SCUBE2: variants seen among roughly 807,000 people sequenced by gnomAD.
SCUBE2 encodes the protein signal peptide, CUB and EGF-like domain-containing protein 2.
In SCUBE2, 114 loss-of-function variants were observed where a neutral mutation model predicts 125.9. That is an observed-to-expected ratio of 0.91 (90% confidence interval 0.78 to 1.06). The LOEUF (loss-of-function observed/expected upper bound fraction) is 1.06. Ranked by LOEUF, SCUBE2 falls within the 50% of genes least tolerant of loss-of-function variation. The pLI, the probability that SCUBE2 is intolerant of heterozygous loss-of-function variation, is 0.00. For missense variants in SCUBE2, 1,255 were observed against 1,301.8 expected, an observed-to-expected ratio of 0.96 and a Z score of 0.55; for synonymous variants, 459 against 492.9, an observed-to-expected ratio of 0.93 and a Z score of 0.91.
At chr11:9,079,552 T>C (rs755606490) in intron 2 of SCUBE2, 43 bp from the exon 3 acceptor site, 9 of 1,601,722 alleles carry the variant, frequency 5.6e-6, no homozygotes, top group African/African-American at 5.4e-5. Context: ...TGCTATTTCT[T>C]TGATGTGAAA....
intron 19 of SCUBE2, among the ~76,000 whole-genome samples, chr11:9,029,052 C>T (rs990117532): frequency 6.7e-6 from 1 of 149,084 alleles, no homozygotes; most frequent in Non-Finnish European, 1.5e-5. Context: ...CCAAGCTCCT[C>T]CAGTTTAGGG....
intron 9 of SCUBE2, among the ~76,000 whole-genome samples, chr11:9,058,237 C>T (rs1590088652): frequency 6.6e-6 from 1 of 152,048 alleles, no homozygotes; most frequent in Non-Finnish European, 1.5e-5. Context: ...CCTAGGAGGG[C>T]GGATCACCTG....
rs747056895 is a variant in SCUBE2, at chr11:9,050,701, G to A, written c.1544C>T (p.Thr515Ile). Residue 515 changes from threonine to isoleucine, a missense_variant, in exon 14 of 23, where the codon ACC becomes ATC. Physicochemically the swap from Thr to Ile is moderately conservative, Grantham distance 89. Around this residue, in one of 3 missense-constraint regions of SCUBE2, gnomAD observed 378 missense variants for 463.1 expected, o/e 0.82. Transcript: ENST00000649792. ...CTTAAAGGTTACACTTGTCCTGATG[G>A]TGGTGACATCTTCAGAAAGAAACAA... ...SNDSAFGDVT[T>I]IRTSVTFKLN... The A allele has an allele frequency of 1.1e-5, 17 of 1,612,902 alleles. No homozygotes were observed.
Position 9,025,729 on chromosome 11 carries a change from A to G in SCUBE2, c.2827T>C (p.Phe943Leu). Residue 943 changes from phenylalanine to leucine, a missense_variant, in exon 21 of 23, where the codon TTC becomes CTC. Around this residue, in one of 3 missense-constraint regions of SCUBE2, gnomAD observed 515 missense variants for 515.7 expected, o/e 1.00. Coordinates refer to ENST00000649792, the MANE Select transcript of SCUBE2 (RefSeq NM_001367977.2). The part of the protein sequence containing the change: ...KSNEGNSARG[F>L]QVPYVTYDED... ...TCATATGTCACGTATGGGACCTGGA[A>G]CCCTCTAGCGCTGTTCCCTTCATTG... is the stretch of plus-strand genomic sequence containing the variant. 1 of 1,614,044 alleles carries G rather than the reference A, an allele frequency of 6.2e-7. No individual in the cohort carries two copies. Among genetic ancestry groups the G allele is most frequent in the Non-Finnish European group, 8.5e-7 (1 of 1,179,996 alleles).
chr11:9,090,492 T>TATTTATTTATTTATTTATTTA (rs55777434), intron 1 of SCUBE2: 15 of 145,534 alleles, frequency 1.0e-4, no homozygotes, highest in Admixed American at 8.2e-4. Context: ...TTTATTTATT[T>TATTTATTTATTTATTTATTTA]TTTTTTTTTG....
At chr11:9,027,343 G>A (rs1416396389) in intron 20 of SCUBE2, 21 bp downstream of exon 20, 2 of 1,609,452 alleles carry the variant, frequency 1.2e-6, no homozygotes, top group African/African-American at 2.7e-5. Flanking sequence ...CTGAGAAAGG[G>A]AGGGAGGGAG....
At chr11:9,071,814 T>C (rs899714064) in intron 4 of SCUBE2, among the ~76,000 whole-genome samples, 1 of 152,174 alleles carries the variant, frequency 6.6e-6, no homozygotes, top group African/African-American at 2.4e-5. Flanking sequence ...ACCTTCCCTG[T>C]TGCCCTGAAA....
chr11:9,032,453 G>T (rs1856390325), intron 17 of SCUBE2, among the ~76,000 whole-genome samples: 1 of 152,128 alleles, frequency 6.6e-6, no homozygotes, highest in Non-Finnish European at 1.5e-5. Context: ...GGTCACATAG[G>T]CCGGGTGCAG....
chr11:9,047,576 A>C lies in SCUBE2; in HGVS notation c.1796-14T>G. 1 of 1,612,990 alleles carries C rather than the reference A, an allele frequency of 6.2e-7. No individual in the cohort carries two copies. Among genetic ancestry groups the C allele is most frequent in the Non-Finnish European group, 8.5e-7 (1 of 1,179,364 alleles). The stretch of plus-strand genomic sequence containing the variant: ...GGTCACAAGAAGCTACAGAAACAAG[A>C]GGGACAGCAGTGCGGGAGGAGATCA... On this transcript the variant is annotated splice_polypyrimidine_tract_variant and intron_variant, in intron 15 of 22. Transcript: ENST00000649792.
At chr11:9,090,489 A>ATTTATTTATTTATTTAT (rs377724235) in intron 1 of SCUBE2, 1 of 141,898 alleles carries the variant, frequency 7.0e-6, no homozygotes, top group Admixed American at 7.0e-5. Context: ...TTATTTATTT[A>ATTTATTTATTTATTTAT]TTTTTTTTTT....
At chr11:9,058,102 C>A (rs1043013342) in intron 9 of SCUBE2, among the ~76,000 whole-genome samples, 1 of 152,178 alleles carries the variant, frequency 6.6e-6, no homozygotes. Context: ...CAAGCATCTC[C>A]TCCCCACAAG....
intron 21 of SCUBE2, among the ~76,000 whole-genome samples, chr11:9,024,602 C>T (rs1195278039): frequency 6.6e-6 from 1 of 152,172 alleles, no homozygotes; most frequent in Non-Finnish European, 1.5e-5. Context: ...TTCTAGTCTC[C>T]TCTCTCACTG....
chr11:9,050,453 G>A (rs773571079), intron 14 of SCUBE2, 153 bp downstream of exon 14: 2 of 639,554 alleles, frequency 3.1e-6, no homozygotes, highest in East Asian at 2.6e-5. Flanking sequence ...CTCTTGGGAT[G>A]AGTCCCTGGA....
At chr11:9,089,881 T>C in intron 1 of SCUBE2, 52 bp from the exon 2 acceptor site, 1 of 1,597,120 alleles carries the variant, frequency 6.3e-7, no homozygotes, top group Non-Finnish European at 8.5e-7. Context: ...CCATGTGTGA[T>C]CTGGCCTCGG....
chr11:9,050,571 G>A, intron 14 of SCUBE2, 35 bp downstream of exon 14: 1 of 1,557,618 alleles, frequency 6.4e-7, no homozygotes, highest in Non-Finnish European at 8.9e-7. Flanking sequence ...CCCACATGCA[G>A]GCAAGCTCCC....
Position 9,071,875 on chromosome 11 carries a change from G to A in SCUBE2, c.518-2380C>T, listed in dbSNP as rs61362882. 8.8e-3 allele frequency among the ~76,000 whole-genome samples: 1,338 copies of A among 152,078 alleles called. 15 individuals are homozygous for A. Among genetic ancestry groups the A allele is most frequent in the African/African-American group, 0.024 (990 of 41,462 alleles). ...TCTCAGAACACACAAAACAAAAGAGGAGTGCTCATTCTGAGAGCCTGAGCA... is the reference window on the plus strand; with the variant it reads ...TCTCAGAACACACAAAACAAAAGAGAAGTGCTCATTCTGAGAGCCTGAGCA... On this transcript the variant is annotated intron_variant, in intron 4 of 22. Coordinates refer to ENST00000649792, the MANE Select transcript of SCUBE2 (RefSeq NM_001367977.2).
chr11:9,066,582 G>T lies in SCUBE2; in HGVS notation c.760+115C>A, dbSNP rs181878960. The T allele has an allele frequency of 5.0e-4, 421 of 836,776 alleles. 1 individual carries two copies. The highest frequency in any genetic ancestry group is 4.5e-3 in the Middle Eastern group (13 of 2,876). The allele number at this position is 836,776 out of a possible 1,614,324, so 51.8% of individuals were successfully genotyped here. ...CATGCGAAGCAGCACAGGGCCTGCT[G>T]GGGGGGCAAATGCACAGGAAACAGC... On this transcript the variant is annotated intron_variant, in intron 6 of 22. Transcript: ENST00000649792.
At chr11:9,054,702 T>C (rs1285957435) in intron 10 of SCUBE2, among the ~76,000 whole-genome samples, 3 of 44,576 alleles carry the variant, frequency 6.7e-5, no homozygotes, top group Non-Finnish European at 1.2e-4. Context: ...AGCACTAGTG[T>C]ATATATATAT....
intron 7 of SCUBE2, among the ~76,000 whole-genome samples, chr11:9,062,557 C>T (rs1590103109): frequency 6.6e-6 from 1 of 152,194 alleles, no homozygotes; most frequent in East Asian, 1.9e-4. Flanking sequence ...ATGAATATAC[C>T]AGATCAAACC....
Sources: gnomAD v4.1 joint callset for allele counts (sites outside exome capture counted in the v4.1 genomes callset) on GRCh38, gnomAD v4.1.1 for gene constraint, gnomAD v4.1.1 regional missense constraint, MANE v1.5 for transcripts, NCBI Gene and HGNC (gene_info 2026-07-23, HGNC 2026-07-21) for gene names.